Variants in PARD3B observed in about 807,000 individuals in gnomAD.
PARD3B encodes par-3 family cell polarity regulator beta, also known as partitioning defective 3 homolog B.
Under a neutral mutation model 130.2 loss-of-function variants are expected in PARD3B, and 103 were observed. That is an observed-to-expected ratio of 0.79 (90% CI 0.67 to 0.93). The LOEUF is 0.93. PARD3B is among the 40% of genes least tolerant of loss of function. The probability of loss-of-function intolerance (pLI) is 0.00; values close to 1 mark genes in which losing one functional copy is unlikely to be tolerated. For missense variants in PARD3B, 1,609 were observed against 1,499.2 expected, an observed-to-expected ratio of 1.07 and a Z score of -1.21; for synonymous variants, 583 against 553.2, an observed-to-expected ratio of 1.05 and a Z score of -0.76.
intron 1 of PARD3B, among the ~76,000 whole-genome samples, chr2:204,659,319 G>C (rs2035728500): frequency 6.6e-6 from 1 of 152,114 alleles, no homozygotes; most frequent in Non-Finnish European, 1.5e-5. Context: ...TTCTGAACCT[G>C]TATTTTAGGT....
rs1416113350 is a variant in PARD3B, at chr2:205,592,633, A to C, written c.3261-22823A>C. 3.9e-5 allele frequency among the ~76,000 whole-genome samples: 6 copies of C among 152,242 alleles called. No individual in the cohort carries two copies. Among genetic ancestry groups the C allele is most frequent in the African/African-American group, 1.4e-4 (6 of 41,460 alleles). On this transcript the variant is annotated intron_variant, in intron 22 of 22. Coordinates refer to ENST00000406610, the MANE Select transcript of PARD3B (RefSeq NM_001302769.2). The surrounding 1 kb of genome is among the most constrained non-coding windows in gnomAD (Gnocchi z 4.5). ...AACTATAATGCCTGCGTTATATTTAAGGTTTTTCATGATCTTATATATCTT... is the reference window on the plus strand; with the variant it reads ...AACTATAATGCCTGCGTTATATTTACGGTTTTTCATGATCTTATATATCTT...
At chr2:204,774,956 C>A (rs1288579378) in intron 2 of PARD3B, among the ~76,000 whole-genome samples, 1 of 152,046 alleles carries the variant, frequency 6.6e-6, no homozygotes, top group Non-Finnish European at 1.5e-5. Context: ...CCGCTTATGA[C>A]AGTATTTTGG....
At chr2:205,134,141 G>A (rs1197190150) in intron 10 of PARD3B, among the ~76,000 whole-genome samples, 1 of 151,458 alleles carries the variant, frequency 6.6e-6, no homozygotes, top group Non-Finnish European at 1.5e-5. Context: ...CTGTCACAAA[G>A]CAACTGTGCT....
intron 2 of PARD3B, among the ~76,000 whole-genome samples, chr2:204,927,137 A>G (rs1421782478): frequency 1.3e-5 from 2 of 152,114 alleles, no homozygotes; most frequent in Non-Finnish European, 2.9e-5. Flanking sequence ...ATTTTTGGTG[A>G]TACTAAAAAA....
At chr2:205,380,977 T>TA in intron 18 of PARD3B, among the ~76,000 whole-genome samples, 1 of 96,402 alleles carries the variant, frequency 1.0e-5, no homozygotes, top group African/African-American at 4.1e-5. Flanking sequence ...AAAGAATATA[T>TA]TATATATAAT....
intron 2 of PARD3B, among the ~76,000 whole-genome samples, chr2:204,778,860 C>A (rs576754426): frequency 2.8e-4 from 43 of 152,138 alleles, no homozygotes; most frequent in African/African-American, 1.0e-3. Flanking sequence ...TGCGTACGTC[C>A]GATCATGTTA....
chr2:204,633,482 A>G (rs1176212140), intron 1 of PARD3B, among the ~76,000 whole-genome samples: 1 of 152,180 alleles, frequency 6.6e-6, no homozygotes, highest in Non-Finnish European at 1.5e-5. Context: ...CATTGGTAGG[A>G]TAAGGTTCAA....
intron 4 of PARD3B, among the ~76,000 whole-genome samples, chr2:205,076,123 T>C (rs1180856572): frequency 6.6e-6 from 1 of 152,196 alleles, no homozygotes; most frequent in Non-Finnish European, 1.5e-5. Context: ...TGTTTGTAAT[T>C]GCTTTGTAAA....
rs114764184 is a variant in PARD3B at position 204,656,350 on chromosome 2, T to C, written c.121-29831T>C. Reference sequence around the variant, plus strand: ...CATTGAATACAGATATATGGAAGGTTTACATGATAGAAAACAAACAAACAA... The same window carrying C: ...CATTGAATACAGATATATGGAAGGTCTACATGATAGAAAACAAACAAACAA... On this transcript the variant is annotated intron_variant, in intron 1 of 22. Coordinates refer to ENST00000406610, the MANE Select transcript of PARD3B (RefSeq NM_001302769.2). Among the ~76,000 whole-genome samples, 290 of 145,234 alleles carry C rather than the reference T, an allele frequency of 2.0e-3. 2 individuals carry two copies. Among genetic ancestry groups the C allele is most frequent in the Middle Eastern group, 6.9e-3 (2 of 288 alleles).
intron 22 of PARD3B, among the ~76,000 whole-genome samples, chr2:205,610,589 GA>G (rs1487844937): frequency 6.6e-6 from 1 of 152,170 alleles, no homozygotes; most frequent in African/African-American, 2.4e-5. Flanking sequence ...CAGAGAAATT[GA>G]ATCCCAGTGT....
chr2:205,023,950 A>G (rs984660052), intron 3 of PARD3B, among the ~76,000 whole-genome samples: 4 of 152,024 alleles, frequency 2.6e-5, no homozygotes, highest in African/African-American at 7.2e-5. Context: ...TGTTTCTACC[A>G]TATACTAGGT....
chr2:204,771,422 C>T (rs918240733), intron 2 of PARD3B, among the ~76,000 whole-genome samples: 5 of 151,960 alleles, frequency 3.3e-5, no homozygotes, highest in African/African-American at 1.2e-4. Context: ...ACTGAGAACA[C>T]TATGTTTTAA....
intron 4 of PARD3B, among the ~76,000 whole-genome samples, chr2:205,097,813 G>A (rs915756065): frequency 2.4e-4 from 34 of 139,236 alleles, no homozygotes; most frequent in African/African-American, 9.0e-4. Context: ...TGGCTATGTA[G>A]GTGTAAAATC....
intron 20 of PARD3B, among the ~76,000 whole-genome samples, chr2:205,487,824 A>G (rs1489401352): frequency 6.6e-6 from 1 of 152,210 alleles, no homozygotes; most frequent in Admixed American, 6.5e-5. Context: ...TTTAAGCCTA[A>G]AAGATAATAA....
chr2:205,413,013 A>G (rs745513800), intron 19 of PARD3B, among the ~76,000 whole-genome samples: 9 of 152,210 alleles, frequency 5.9e-5, no homozygotes, highest in Non-Finnish European at 1.3e-4. Context: ...CAGCCAATAA[A>G]TGGTGAACTT....
At chr2:204,695,181 A>G (rs1200427937) in intron 2 of PARD3B, among the ~76,000 whole-genome samples, 2 of 151,860 alleles carry the variant, frequency 1.3e-5, no homozygotes, top group East Asian at 1.9e-4. Context: ...AGTTCTACCA[A>G]TTTTCTCTCT....
At chr2:205,267,744 GA>G (rs769135218) in intron 16 of PARD3B, among the ~76,000 whole-genome samples, 2 of 152,100 alleles carry the variant, frequency 1.3e-5, no homozygotes, top group African/African-American at 2.4e-5. Flanking sequence ...AAGGCAGATA[GA>G]GGGGTGAAGA....
intron 4 of PARD3B, among the ~76,000 whole-genome samples, chr2:205,085,259 A>G (rs1012950285): frequency 6.6e-6 from 1 of 151,982 alleles, no homozygotes; most frequent in Non-Finnish European, 1.5e-5. Context: ...ATAGTAGTAC[A>G]AGTTTTTTTA....
chr2:204,556,938 T>C (rs1376660047), intron 1 of PARD3B, among the ~76,000 whole-genome samples: 1 of 152,070 alleles, frequency 6.6e-6, no homozygotes, highest in Non-Finnish European at 1.5e-5. Flanking sequence ...AAGGCCATGG[T>C]TACCTTTTAC....
Sources: gnomAD v4.1 joint callset for allele counts (sites outside exome capture counted in the v4.1 genomes callset) on GRCh38, gnomAD v4.1.1 for gene constraint, Gnocchi (gnomAD v3.1) non-coding constraint, MANE v1.5 for transcripts, NCBI Gene and HGNC (gene_info 2026-07-23, HGNC 2026-07-21) for gene names.